The following ANO10 variants were observed in gnomAD, a reference collection of about 807,000 sequenced individuals.
ANO10 encodes the protein anoctamin 10, also known as anoctamin-10.
ANO10 carries 77 observed loss-of-function variants against 74.7 expected under a neutral mutation model. The ratio of observed to expected loss-of-function variants is 1.03; its 90% CI spans 0.86 to 1.25. The LOEUF (loss-of-function observed/expected upper bound fraction) is 1.25. ANO10 is among the 50% of genes most tolerant of loss of function. The pLI is 0.00. For missense variants in ANO10, 721 were observed against 778.1 expected (o/e 0.93, Z 0.87); for synonymous variants, 279 against 284.9 (o/e 0.98, Z 0.21).
chr3:43,409,241 G>A (rs2092626157), intron 12 of ANO10, among the ~76,000 whole-genome samples: 1 of 152,034 alleles, frequency 6.6e-6, no homozygotes, highest in Non-Finnish European at 1.5e-5. Flanking sequence ...CTATGAAGCT[G>A]TGCCGTTAGG....
chr3:43,402,181 G>C (rs1049624004), intron 12 of ANO10, among the ~76,000 whole-genome samples: 2 of 152,102 alleles, frequency 1.3e-5, no homozygotes, highest in African/African-American at 4.8e-5. Flanking sequence ...AATCCATAAA[G>C]TATTACTCTT....
intron 1 of ANO10, among the ~76,000 whole-genome samples, chr3:43,610,739 G>T (rs1470868248): frequency 1.3e-5 from 2 of 152,224 alleles, no homozygotes; most frequent in Non-Finnish European, 2.9e-5. Flanking sequence ...TATTTTAGTA[G>T]ATTGCTGAAT....
At chr3:43,626,602 T>C (rs1329614869), upstream of ANO10, among the ~76,000 whole-genome samples, 2 of 152,158 alleles carry the variant, frequency 1.3e-5, no homozygotes, top group Non-Finnish European at 2.9e-5. Flanking sequence ...TGCCCAGCCA[T>C]GTTCTTTACT....
intron 11 of ANO10, among the ~76,000 whole-genome samples, chr3:43,495,307 A>C (rs527248283): frequency 6.6e-6 from 1 of 152,302 alleles, no homozygotes; most frequent in Admixed American, 6.5e-5. Flanking sequence ...AACTCCACCA[A>C]GAAATTTTGA....
At chr3:43,546,498 C>A (rs2079195716) in intron 11 of ANO10, among the ~76,000 whole-genome samples, 1 of 152,156 alleles carries the variant, frequency 6.6e-6, no homozygotes, top group African/African-American at 2.4e-5. Flanking sequence ...TGATTTTCAA[C>A]AAGGGTGCCA....
In ANO10 at chr3:43,621,990, G is replaced by A. The variant is rs1316715601; in HGVS notation, c.-93C>T. ...GAGGCCGGGCGAAAGAGTGCTCGGT[G>A]CGGGGGGCGGGCCAGGCCAGTGGGG... On this transcript the variant is annotated 5_prime_UTR_variant, in exon 1 of 13. Coordinates refer to ENST00000292246, the MANE Select transcript of ANO10 (RefSeq NM_018075.5). 6.5e-6 allele frequency: 1 copy of A among 152,718 alleles called. No individual in the cohort carries two copies. The allele number at this position is 152,718 out of a possible 1,614,324, so 9.5% of individuals were successfully genotyped here.
intron 1 of ANO10, among the ~76,000 whole-genome samples, chr3:43,675,087 T>C (rs2084106499): frequency 6.6e-6 from 1 of 152,170 alleles, no homozygotes; most frequent in Admixed American, 6.5e-5. Flanking sequence ...AATAAGAGCA[T>C]AAGAGTCTAC....
chr3:43,570,500 A>T (rs1046735948), intron 7 of ANO10, among the ~76,000 whole-genome samples: 11 of 152,326 alleles, frequency 7.2e-5, no homozygotes, highest in Non-Finnish European at 1.2e-4. Context: ...AGATCAATGG[A>T]ACAGAACAGA....
chr3:43,470,341 C>T (rs138661745), intron 11 of ANO10, among the ~76,000 whole-genome samples: 1 of 151,994 alleles, frequency 6.6e-6, no homozygotes, highest in Non-Finnish European at 1.5e-5. Context: ...GGAGATATAT[C>T]GTAATTCTTT....
intron 11 of ANO10, among the ~76,000 whole-genome samples, chr3:43,514,263 T>C (rs965543309): frequency 2.0e-5 from 3 of 151,988 alleles, no homozygotes; most frequent in African/African-American, 4.8e-5. Flanking sequence ...TTGAAATATA[T>C]AGACACAAAT....
chr3:43,438,650 T>C (rs11717449), intron 11 of ANO10, among the ~76,000 whole-genome samples: 28,311 of 151,756 alleles, frequency 0.19, 3,164 homozygotes, highest in Middle Eastern at 0.36. Flanking sequence ...GGGAAGCTGA[T>C]GCAGGAGAAT....
intron 11 of ANO10, among the ~76,000 whole-genome samples, chr3:43,521,492 G>T (rs1242567325): frequency 6.6e-6 from 1 of 152,144 alleles, no homozygotes; most frequent in Non-Finnish European, 1.5e-5. Flanking sequence ...AACTGATCAA[G>T]ATGCTCTTGA....
intron 1 of ANO10, among the ~76,000 whole-genome samples, chr3:43,615,430 C>T (rs2083049096): frequency 6.6e-6 from 1 of 152,080 alleles, no homozygotes; most frequent in African/African-American, 2.4e-5. Flanking sequence ...AGATATATTT[C>T]TCCAAGTTGT....
intron 11 of ANO10, among the ~76,000 whole-genome samples, chr3:43,534,556 C>T (rs1292467081): frequency 6.6e-6 from 1 of 152,154 alleles, no homozygotes; most frequent in Admixed American, 6.5e-5. Flanking sequence ...GGAGGAGCAG[C>T]CATGTCTCTG....
At chr3:43,477,577 T>C (rs2076113190) in intron 11 of ANO10, among the ~76,000 whole-genome samples, 1 of 152,162 alleles carries the variant, frequency 6.6e-6, no homozygotes, top group Non-Finnish European at 1.5e-5. Context: ...TGAGCACAGA[T>C]CTAAAACTCG....
chr3:43,375,708 T>TC (rs1439170983), intron 12 of ANO10, among the ~76,000 whole-genome samples: 1 of 152,074 alleles, frequency 6.6e-6, no homozygotes, highest in Non-Finnish European at 1.5e-5. Context: ...CTCAGAATCC[T>TC]CAGGCAGGAC....
intron 11 of ANO10, among the ~76,000 whole-genome samples, chr3:43,524,621 T>G (rs900678281): frequency 1.3e-5 from 2 of 152,176 alleles, no homozygotes; most frequent in Non-Finnish European, 2.9e-5. Context: ...GATGATTCAC[T>G]GAACTGGGTT....
chr3:43,582,123 A>G (rs1333865754), intron 4 of ANO10, among the ~76,000 whole-genome samples: 1 of 152,048 alleles, frequency 6.6e-6, no homozygotes, highest in Non-Finnish European at 1.5e-5. Context: ...CTTATTGAGG[A>G]CTGGCAAATA....
At chr3:43,440,946 A>G (rs1246242982) in intron 11 of ANO10, among the ~76,000 whole-genome samples, 1 of 152,102 alleles carries the variant, frequency 6.6e-6, no homozygotes, top group African/African-American at 2.4e-5. Context: ...TGAACAACCA[A>G]TGAGTCAAAA....
Sources: gnomAD v4.1 joint callset for allele counts (sites outside exome capture counted in the v4.1 genomes callset) on GRCh38, gnomAD v4.1.1 for gene constraint, MANE v1.5 for transcripts, NCBI Gene and HGNC (gene_info 2026-07-23, HGNC 2026-07-21) for gene names.